MOB1B: variants seen among roughly 807,000 people sequenced by gnomAD.
The protein encoded by MOB1B is MOB kinase activator 1B, also known as MOB1 Mps One Binder homolog B.
Under a neutral mutation model 24.4 loss-of-function variants are expected in MOB1B, and 19 were observed. The ratio of observed to expected loss-of-function variants is 0.78; its 90% CI spans 0.54 to 1.14. MOB1B has a LOEUF of 1.14. MOB1B is among the 50% of genes most tolerant of loss of function. The pLI is 0.00. For synonymous variants in MOB1B, 76 were observed against 82.1 expected (o/e 0.93, Z 0.40); for missense variants, 243 against 259.6 (o/e 0.94, Z 0.44).
At chr4:70,966,731 A>G (rs930060899) in intron 2 of MOB1B, among the ~76,000 whole-genome samples, 4 of 152,018 alleles carry the variant, frequency 2.6e-5, no homozygotes, top group African/African-American at 9.7e-5. Flanking sequence ...TTGCATGCCT[A>G]TAGTCCTAAT....
chr4:70,942,852 A>G lies in MOB1B; in HGVS notation c.15-16022A>G, dbSNP rs935699336. The G allele has an allele frequency of 1.1e-5, 9 of 817,132 alleles. No homozygotes were observed. In the African/African-American group the frequency reaches 1.9e-4, roughly 17 times the overall value. The allele number at this position is 817,132 out of a possible 1,614,324, so 50.6% of individuals were successfully genotyped here. On this transcript the variant is annotated intron_variant, in intron 1 of 5. Coordinates refer to ENST00000309395, the MANE Select transcript of MOB1B (RefSeq NM_173468.4). ...AAGGTTCATATTGTCGGATTATGAA[A>G]GACTCAAAATAAAGAACTGGAGGCA...
intron 5 of MOB1B, among the ~76,000 whole-genome samples, chr4:70,981,459 T>G (rs1739208245): frequency 6.6e-6 from 1 of 152,210 alleles, no homozygotes. Context: ...TTCACAGGAC[T>G]TTAATTTATC....
Position 70,925,530 on chromosome 4 carries a change from G to C in MOB1B, c.14+22980G>C, listed in dbSNP as rs79327205. ...CTCTGGTGACAGAAAGTACTCTCAG[G>C]ATTGAGAGGATCAGTGTCTCTACAT... On this transcript the variant is annotated intron_variant, in intron 1 of 5. Coordinates refer to ENST00000309395, the MANE Select transcript of MOB1B (RefSeq NM_173468.4). Among the ~76,000 whole-genome samples, 404 of 152,272 alleles carry C rather than the reference G, an allele frequency of 2.7e-3. 6 individuals carry two copies. In the East Asian group the frequency reaches 0.063, roughly 24 times the overall value.
Position 70,907,693 on chromosome 4 carries a change from C to T in MOB1B, c.14+5143C>T, listed in dbSNP as rs567625322. Among the ~76,000 whole-genome samples the T allele has an allele frequency of 1.5e-3, 228 of 152,154 alleles. 1 individual carries two copies. Among genetic ancestry groups the T allele is most frequent in the Middle Eastern group, 3.4e-3 (1 of 294 alleles). ...AAAAAACATTAGCCAGGTGTGGTGG[C>T]GCTCAGCTGCTTAGGAGGCTGAAGT... On this transcript the variant is annotated intron_variant, in intron 1 of 5. Coordinates refer to ENST00000309395, the MANE Select transcript of MOB1B (RefSeq NM_173468.4).
chr4:70,969,652 ATC>A (rs1034196436), intron 2 of MOB1B, among the ~76,000 whole-genome samples: 1 of 151,928 alleles, frequency 6.6e-6, no homozygotes, highest in Non-Finnish European at 1.5e-5. Flanking sequence ...TTTCTTATTG[ATC>A]TATATGAGTT....
intron 1 of MOB1B, among the ~76,000 whole-genome samples, chr4:70,904,758 CAAAAAAAAA>C (rs376732470): frequency 6.4e-5 from 4 of 62,646 alleles, no homozygotes; most frequent in Non-Finnish European, 1.5e-4. Context: ...GACTCTGTCT[CAAAAAAAAA>C]AAAAAAAAAG....
chr4:70,982,107 G>A lies in MOB1B; in HGVS notation c.*50G>A. ...TTCCTCAAATGAAGCAGTGTGGAGT[G>A]TATTGGGGATTTTGTTATATTTTGT... On this transcript the variant is annotated 3_prime_UTR_variant, in exon 6 of 6. Coordinates refer to ENST00000309395, the MANE Select transcript of MOB1B (RefSeq NM_173468.4). 7.5e-7 allele frequency: 1 copy of A among 1,339,758 alleles called. No individual in the cohort carries two copies. Among genetic ancestry groups the A allele is most frequent in the East Asian group, 2.3e-5 (1 of 43,256 alleles). The allele number at this position is 1,339,758 out of a possible 1,614,324, so 83.0% of individuals were successfully genotyped here.
At chr4:70,920,737 G>A (rs1254361907) in intron 1 of MOB1B, among the ~76,000 whole-genome samples, 1 of 152,138 alleles carries the variant, frequency 6.6e-6, no homozygotes, top group Non-Finnish European at 1.5e-5. Context: ...ACATTGCCAT[G>A]AATTAAGAAT....
chr4:70,906,068 G>T (rs1301945283), intron 1 of MOB1B, among the ~76,000 whole-genome samples: 2 of 149,074 alleles, frequency 1.3e-5, no homozygotes, highest in African/African-American at 4.9e-5. Flanking sequence ...TAGAGAGTGA[G>T]ACTCTGTCTT....
At chr4:70,906,629 C>T (rs1186849809) in intron 1 of MOB1B, among the ~76,000 whole-genome samples, 2 of 152,162 alleles carry the variant, frequency 1.3e-5, no homozygotes, top group Non-Finnish European at 2.9e-5. Context: ...CCCAGATCAT[C>T]TGCAGGAATG....
intron 3 of MOB1B, among the ~76,000 whole-genome samples, chr4:70,974,219 A>G (rs1032782469): frequency 6.6e-6 from 1 of 151,828 alleles, no homozygotes; most frequent in Admixed American, 6.6e-5. Context: ...AATGGGCACC[A>G]TCTTGGCTCA....
chr4:70,936,359 G>T (rs1296343830), intron 1 of MOB1B, among the ~76,000 whole-genome samples: 2 of 152,060 alleles, frequency 1.3e-5, no homozygotes, highest in African/African-American at 4.8e-5. Context: ...TAATATTGTG[G>T]TTTCTTTTGC....
At chr4:70,924,975 A>T (rs1474106683) in intron 1 of MOB1B, among the ~76,000 whole-genome samples, 2 of 152,246 alleles carry the variant, frequency 1.3e-5, no homozygotes, top group African/African-American at 2.4e-5. Context: ...CAAAAAAACT[A>T]CAATTTTAAA....
chr4:70,973,813 G>T (rs1024336999), intron 3 of MOB1B, among the ~76,000 whole-genome samples: 9 of 152,176 alleles, frequency 5.9e-5, no homozygotes, highest in Admixed American at 3.9e-4. Context: ...TTTAATTCAG[G>T]TATAGCTTGT....
chr4:70,969,632 G>C (rs1738674838), intron 2 of MOB1B, among the ~76,000 whole-genome samples: 1 of 152,082 alleles, frequency 6.6e-6, no homozygotes. Flanking sequence ...TTTTTCAGCT[G>C]TGTTGTCTTT....
chr4:70,966,180 G>A lies in MOB1B; in HGVS notation c.182-3751G>A, dbSNP rs552576136. Among the ~76,000 whole-genome samples, 4 of 152,190 alleles carry A rather than the reference G, an allele frequency of 2.6e-5. No homozygotes were observed. In the South Asian group the frequency reaches 6.2e-4, roughly 24 times the overall value. On this transcript the variant is annotated intron_variant, in intron 2 of 5. Transcript: ENST00000309395. ...TAAAAGTATTAGTGAATTGAATCTA[G>A]TAACATTTTAAAAGTGTATATAATA...
intron 1 of MOB1B, among the ~76,000 whole-genome samples, chr4:70,908,734 C>T (rs1369908550): frequency 5.4e-5 from 8 of 149,132 alleles, no homozygotes; most frequent in African/African-American, 9.9e-5. Flanking sequence ...GAGATCATGC[C>T]GCTGCACTCC....
chr4:70,917,036 G>C (rs1245569006), intron 1 of MOB1B, among the ~76,000 whole-genome samples: 1 of 152,194 alleles, frequency 6.6e-6, no homozygotes, highest in African/African-American at 2.4e-5. Context: ...GCTATAGAGT[G>C]TATTATGAGG....
intron 1 of MOB1B, among the ~76,000 whole-genome samples, chr4:70,953,886 A>G (rs867120217): frequency 1.3e-4 from 19 of 151,976 alleles, no homozygotes; most frequent in African/African-American, 3.1e-4. Flanking sequence ...GGAGGTTTCA[A>G]TGAGCCAAGA....
Sources: allele counts gnomAD v4.1 joint callset (sites outside exome capture counted in the v4.1 genomes callset), GRCh38; gene constraint gnomAD v4.1.1; transcripts MANE v1.5; gene names NCBI Gene and HGNC (gene_info 2026-07-23, HGNC 2026-07-21).